The following HMGCS1 variants were observed in gnomAD, a reference collection of about 807,000 sequenced individuals.
The protein encoded by HMGCS1 is hydroxymethylglutaryl-CoA synthase, cytoplasmic.
In HMGCS1, 9 loss-of-function variants were observed where a neutral mutation model predicts 52.3. The ratio of observed to expected loss-of-function variants is 0.17; its 90% CI spans 0.10 to 0.30. The LOEUF (loss-of-function observed/expected upper bound fraction) is 0.30. HMGCS1 is among the 10% of genes least tolerant of loss of function. HMGCS1 has a pLI of 1.00. For synonymous variants in HMGCS1, 176 were observed against 214.4 expected, an observed-to-expected ratio of 0.82 and a Z score of 1.57; for missense variants, 320 against 620.9, an observed-to-expected ratio of 0.52 and a Z score of 5.15.
In HMGCS1 at chr5:43,294,857, C is replaced by T; in HGVS notation, c.910G>A (p.Val304Ile). 1 of 1,598,572 alleles carries T rather than the reference C, an allele frequency of 6.3e-7. No homozygotes were observed. The highest frequency in any genetic ancestry group is 8.5e-7 in the Non-Finnish European group (1 of 1,170,166). ...TCAAAGTAGGTGTCTTCTAATTTAA[C>T]ATCCCTGAAAGATTTATTTTACAGT... ...IYSGLEAFGDVKLEDTYFDRD... is the reference protein window; with the variant it reads ...IYSGLEAFGDIKLEDTYFDRD... The change falls in exon 7 of 11, where the codon GTT (valine) becomes ATT (isoleucine). Residue 304 changes from valine to isoleucine, a missense_variant. Around this residue, in one of 3 missense-constraint regions of HMGCS1, gnomAD observed 213 missense variants for 337.4 expected, o/e 0.63. Transcript: ENST00000325110.
chr5:43,300,350 A>G (rs1178584926), intron 2 of HMGCS1, among the ~76,000 whole-genome samples: 1 of 152,136 alleles, frequency 6.6e-6, no homozygotes, highest in Non-Finnish European at 1.5e-5. Flanking sequence ...CATTGACCCA[A>G]AGGTCTTGGG....
intron 2 of HMGCS1, among the ~76,000 whole-genome samples, chr5:43,306,311 G>C (rs1269976164): frequency 2.6e-5 from 4 of 152,188 alleles, no homozygotes; most frequent in African/African-American, 4.8e-5. Context: ...GGGGAAAAAA[G>C]GGGGAGGGAA....
In HMGCS1 at chr5:43,289,387, C is replaced by G. The variant is rs1230871239; in HGVS notation, c.*1744G>C. On this transcript the variant is annotated 3_prime_UTR_variant, in exon 11 of 11. Coordinates refer to ENST00000325110, the MANE Select transcript of HMGCS1 (RefSeq NM_001098272.3). ...TAGTTCAAGAGTGAAAAAGAATACTCAAGTATCTGAAACATTTCTCTAAAA... is the reference window on the plus strand; with the variant it reads ...TAGTTCAAGAGTGAAAAAGAATACTGAAGTATCTGAAACATTTCTCTAAAA... 1 of 152,590 alleles carries G rather than the reference C, an allele frequency of 6.6e-6. No individual in the cohort carries two copies. Among genetic ancestry groups the G allele is most frequent in the East Asian group, 1.9e-4 (1 of 5,200 alleles). The allele number at this position is 152,590 out of a possible 1,614,324, so 9.5% of individuals were successfully genotyped here.
chr5:43,294,659 G>A (rs62368921), intron 7 of HMGCS1, 32 bp downstream of exon 7: 1 of 1,486,850 alleles, frequency 6.7e-7, no homozygotes, highest in Non-Finnish European at 9.1e-7. Context: ...CCAAATAAGG[G>A]GAGTTAAGTA....
At position 43,294,450 on chromosome 5, in the gene HMGCS1, A is replaced by G. The variant is rs1753932898; in HGVS notation, c.1076+241T>C. The G allele has an allele frequency of 1.8e-5, 9 of 498,968 alleles. No individual in the cohort carries two copies. In the South Asian group the frequency reaches 2.9e-4, roughly 16 times the overall value. The allele number at this position is 498,968 out of a possible 1,614,324, so 30.9% of individuals were successfully genotyped here. A position where few individuals can be genotyped will look rare whatever the true frequency, so the allele number is the denominator to read the frequency against. On this transcript the variant is annotated intron_variant, in intron 7 of 10. Coordinates refer to ENST00000325110, the MANE Select transcript of HMGCS1 (RefSeq NM_001098272.3). Reference sequence around the variant, plus strand: ...GTATTTATGGTTCAACTGTAGGTCAAGAATTAAAAAACCATGAAAACAGAA... The same window carrying G: ...GTATTTATGGTTCAACTGTAGGTCAGGAATTAAAAAACCATGAAAACAGAA...
rs1754651818 is a variant in HMGCS1, at chr5:43,307,763, T to C, written c.-11+3A>G. ...CCTTAAGCAGCATGACAGGATGTCA[T>C]ACCTGTGTGAAGGATAGAGAACTGC... On this transcript the variant is annotated splice_donor_region_variant and intron_variant, in intron 2 of 10. Transcript: ENST00000325110. 6.6e-6 allele frequency: 1 copy of C among 152,214 alleles called. No individual in the cohort carries two copies. Among genetic ancestry groups the C allele is most frequent in the Non-Finnish European group, 1.5e-5 (1 of 68,030 alleles). 9.4% of individuals were successfully genotyped at this position (152,214 alleles called of 1,614,324 possible). A position where few individuals can be genotyped will look rare whatever the true frequency, so the allele number is the denominator to read the frequency against.
At chr5:43,293,558 A>ATT (rs34148210) in intron 8 of HMGCS1, among the ~76,000 whole-genome samples, 1,792 of 142,046 alleles carry the variant, frequency 0.013, 28 homozygotes, top group African/African-American at 0.045. Context: ...ATAAGGTAGA[A>ATT]TTTTTTTTTT....
chr5:43,306,233 C>T (rs72754518), intron 2 of HMGCS1, among the ~76,000 whole-genome samples: 607 of 152,200 alleles, frequency 4.0e-3, no homozygotes, highest in Non-Finnish European at 5.1e-3. Context: ...ATGCTTCCTG[C>T]CTAGAATACA....
intron 10 of HMGCS1, 43 bp downstream of exon 10, chr5:43,292,431 C>T (rs747137595): frequency 2.6e-6 from 4 of 1,558,320 alleles, no homozygotes; most frequent in Non-Finnish European, 3.5e-6. Flanking sequence ...CCAGTTAGGT[C>T]TCCTAAACCC....
Position 43,295,736 on chromosome 5 carries a change from T to A in HMGCS1, c.905+16A>T. 6.3e-7 allele frequency: 1 copy of A among 1,593,968 alleles called. No homozygotes were observed. Among genetic ancestry groups the A allele is most frequent in the Non-Finnish European group, 8.6e-7 (1 of 1,167,234 alleles). ...CTCTAATATAGAAGGAAAAAACTCA[T>A]AATAGCTCCTCTTACCCAAAGGCTT... On this transcript the variant is annotated intron_variant, in intron 6 of 10. Coordinates refer to ENST00000325110, the MANE Select transcript of HMGCS1 (RefSeq NM_001098272.3).
At chr5:43,297,882 C>G in intron 4 of HMGCS1, 127 bp downstream of exon 4, 2 of 643,320 alleles carry the variant, frequency 3.1e-6, no homozygotes, top group Non-Finnish European at 5.0e-6. Context: ...TGATAACACA[C>G]ATAAAGCTCT....
chr5:43,304,327 G>A (rs1179408371), intron 2 of HMGCS1, among the ~76,000 whole-genome samples: 1 of 152,166 alleles, frequency 6.6e-6, no homozygotes, highest in Non-Finnish European at 1.5e-5. Flanking sequence ...GGTCTTCCTT[G>A]CCTGGCTCAG....
chr5:43,299,521 A>T (rs936332534), intron 2 of HMGCS1, among the ~76,000 whole-genome samples: 1 of 151,980 alleles, frequency 6.6e-6, no homozygotes, highest in African/African-American at 2.4e-5. Flanking sequence ...GTGGTGGCAG[A>T]TGCCTGTAGC....
Position 43,298,951 on chromosome 5 carries a change from A to T in HMGCS1, c.15T>A (p.Leu5=), listed in dbSNP as rs762805859. The T allele has an allele frequency of 3.3e-5, 53 of 1,612,540 alleles. No individual in the cohort carries two copies. The East Asian group carries it at 1.2e-3, about 35-fold the overall frequency. ...GCCAGCAAGCTTCTGCATTCAAAGG[A>T]AGTGATCCAGGCATGGTGAAAGAGC... is the stretch of plus-strand genomic sequence containing the variant. MPGS[L]PLNAEACWPK... Residue 5 remains leucine, a synonymous_variant, in exon 3 of 11, where the codon CTT becomes CTA. Coordinates refer to ENST00000325110, the MANE Select transcript of HMGCS1 (RefSeq NM_001098272.3). This position sits in a 1 kb window ranked among gnomAD's most constrained non-coding sequence, Gnocchi z 5.6.
rs776039052 is a variant in HMGCS1, at chr5:43,292,648, G to C, written c.1310-11C>G. ...GGGGAATATAGTTGACTAAAGGAAAGGGAGAGAATATCTACAATTAGTTAT... is the reference window on the plus strand; with the variant it reads ...GGGGAATATAGTTGACTAAAGGAAACGGAGAGAATATCTACAATTAGTTAT... On this transcript the variant is annotated splice_polypyrimidine_tract_variant and intron_variant, in intron 9 of 10. Coordinates refer to ENST00000325110, the MANE Select transcript of HMGCS1 (RefSeq NM_001098272.3). 6 of 1,603,930 alleles carry C rather than the reference G, an allele frequency of 3.7e-6. No homozygotes were observed. In the African/African-American group the frequency reaches 8.0e-5, roughly 21 times the overall value.
chr5:43,311,369 A>G (rs979974707), intron 1 of HMGCS1, among the ~76,000 whole-genome samples: 7 of 152,136 alleles, frequency 4.6e-5, no homozygotes, highest in Non-Finnish European at 8.8e-5. Context: ...AGGACAGGTA[A>G]TATGTATCCC....
At chr5:43,309,088 A>T (rs10512825) in intron 1 of HMGCS1, among the ~76,000 whole-genome samples, 68,486 of 151,672 alleles carry the variant, frequency 0.45, 16,207 homozygotes, top group Middle Eastern at 0.61. Context: ...TTGAAAAACA[A>T]GATTCCTTCT....
At chr5:43,297,710 G>A (rs574753054) in intron 4 of HMGCS1, among the ~76,000 whole-genome samples, 2 of 152,066 alleles carry the variant, frequency 1.3e-5, no homozygotes, top group African/African-American at 2.4e-5. Flanking sequence ...ATGGTGGTGT[G>A]TGCCTGCAAT....
chr5:43,294,161 ACC>A lies in HMGCS1; in HGVS notation c.1077-1_1077del. ...TTCCCTGCTAATTGCTGAGGTGAGT[ACC>A]TATGTAGGGTGTAACAATAGTTCAG... On this transcript the variant is annotated splice_acceptor_variant and coding_sequence_variant, in exon 8 of 11. Coordinates refer to ENST00000325110, the MANE Select transcript of HMGCS1 (RefSeq NM_001098272.3). LOFTEE classifies it high-confidence loss of function. 6.3e-7 allele frequency: 1 copy of A among 1,593,062 alleles called. No individual in the cohort carries two copies. Among genetic ancestry groups the A allele is most frequent in the Non-Finnish European group, 8.6e-7 (1 of 1,160,704 alleles).
Sources: allele counts gnomAD v4.1 joint callset (sites outside exome capture counted in the v4.1 genomes callset), GRCh38; gene constraint gnomAD v4.1.1; regional missense constraint gnomAD v4.1.1; non-coding constraint Gnocchi (gnomAD v3.1); transcripts MANE v1.5; gene names NCBI Gene and HGNC (gene_info 2026-07-23, HGNC 2026-07-21).